NEK11: variants seen among roughly 807,000 people sequenced by gnomAD.
NEK11 encodes serine/threonine-protein kinase Nek11.
A neutral mutation model predicts 80.7 loss-of-function variants in NEK11; 72 were observed. The ratio of observed to expected loss-of-function variants is 0.89; its 90% CI spans 0.74 to 1.08. The LOEUF (loss-of-function observed/expected upper bound fraction) is 1.08. Among genes scored for constraint, NEK11 ranks in the 50% least tolerant of loss-of-function variants. The pLI, the probability that NEK11 is intolerant of heterozygous loss-of-function variation, is 0.00. For missense variants in NEK11, 764 were observed against 763.6 expected (o/e 1.00, Z -0.01); for synonymous variants, 251 against 260.7 (o/e 0.96, Z 0.36).
intron 17 of NEK11, among the ~76,000 whole-genome samples, chr3:131,333,120 C>T (rs1050661303): frequency 2.0e-5 from 3 of 152,078 alleles, no homozygotes; most frequent in Non-Finnish European, 4.4e-5. Flanking sequence ...CAGAGAACAC[C>T]ACAAAGATAC....
At chr3:131,170,060 T>A (rs1335440983) in intron 13 of NEK11, among the ~76,000 whole-genome samples, 1 of 152,218 alleles carries the variant, frequency 6.6e-6, no homozygotes, top group East Asian at 1.9e-4. Flanking sequence ...TAAGATTAGT[T>A]TGAACTTTCT....
intron 6 of NEK11, chr3:131,133,292 A>C (rs1004424491): frequency 2.2e-6 from 1 of 455,582 alleles, no homozygotes; most frequent in Non-Finnish European, 4.4e-6. Context: ...GGATCATCTA[A>C]TCATCATATA....
chr3:131,081,332 T>G (rs572014969), intron 4 of NEK11, among the ~76,000 whole-genome samples: 3 of 152,172 alleles, frequency 2.0e-5, no homozygotes, highest in Non-Finnish European at 4.4e-5. Flanking sequence ...AAATATGGCT[T>G]TTTTCCCCAC....
chr3:131,347,928 AAAT>A (rs1157141514), intron 17 of NEK11, among the ~76,000 whole-genome samples: 2 of 152,152 alleles, frequency 1.3e-5, no homozygotes, highest in Non-Finnish European at 2.9e-5. Flanking sequence ...CAAAAAAAAA[AAAT>A]ACACATCCTG....
chr3:131,244,593 G>A (rs2095568389), intron 16 of NEK11, among the ~76,000 whole-genome samples: 1 of 151,974 alleles, frequency 6.6e-6, no homozygotes, highest in African/African-American at 2.4e-5. Flanking sequence ...GTCTAACACT[G>A]TGTCTGGTGC....
intron 17 of NEK11, among the ~76,000 whole-genome samples, chr3:131,298,344 G>A (rs1008069141): frequency 2.6e-5 from 4 of 151,542 alleles, no homozygotes; most frequent in Admixed American, 1.3e-4. Context: ...ATTTCATTGA[G>A]CAGTGGTTTG....
chr3:131,132,933 C>T (rs954845337), intron 6 of NEK11, 124 bp downstream of exon 6: 11 of 537,458 alleles, frequency 2.0e-5, no homozygotes, highest in Non-Finnish European at 3.6e-5. Context: ...TTAAATTTCT[C>T]AAATTTTTAA....
At chr3:131,210,418 G>A (rs1335781227) in intron 14 of NEK11, among the ~76,000 whole-genome samples, 1 of 152,206 alleles carries the variant, frequency 6.6e-6, no homozygotes, top group Non-Finnish European at 1.5e-5. Flanking sequence ...TGGAGTAAGT[G>A]CAACGTGGTG....
intron 17 of NEK11, chr3:131,330,509 T>G (rs908017096): frequency 6.6e-6 from 1 of 152,164 alleles, no homozygotes; most frequent in Non-Finnish European, 1.5e-5. Flanking sequence ...CAGGGAGATA[T>G]GGAGGAACAA....
chr3:131,305,913 C>T (rs969235796), intron 17 of NEK11, among the ~76,000 whole-genome samples: 1 of 152,126 alleles, frequency 6.6e-6, no homozygotes, highest in African/African-American at 2.4e-5. Flanking sequence ...CTTGGAGTGT[C>T]CCAGTCTTCC....
intron 7 of NEK11, among the ~76,000 whole-genome samples, chr3:131,136,888 A>G (rs941367401): frequency 6.6e-6 from 1 of 152,212 alleles, no homozygotes; most frequent in African/African-American, 2.4e-5. Context: ...TATTTAGAGT[A>G]TGTTATTTTG....
intron 14 of NEK11, among the ~76,000 whole-genome samples, chr3:131,216,741 T>C (rs570989320): frequency 2.6e-5 from 4 of 152,336 alleles, no homozygotes; most frequent in African/African-American, 9.6e-5. Flanking sequence ...TTTATTTCAC[T>C]GGGGGCTGTC....
At chr3:131,146,936 T>A (rs565827593) in intron 7 of NEK11, among the ~76,000 whole-genome samples, 44 of 152,248 alleles carry the variant, frequency 2.9e-4, no homozygotes, top group Non-Finnish European at 5.7e-4. Flanking sequence ...CATATTTTGG[T>A]AGTCTGATGA....
intron 10 of NEK11, among the ~76,000 whole-genome samples, chr3:131,156,044 A>G (rs1453326242): frequency 6.6e-6 from 1 of 151,736 alleles, no homozygotes; most frequent in Non-Finnish European, 1.5e-5. Flanking sequence ...AGAGTAGTAG[A>G]TATTTTTTAA....
chr3:131,237,332 C>T (rs2095447130), intron 15 of NEK11, among the ~76,000 whole-genome samples: 1 of 152,096 alleles, frequency 6.6e-6, no homozygotes, highest in Non-Finnish European at 1.5e-5. Flanking sequence ...GAGACCCTGT[C>T]TCAAGAAAAC....
chr3:131,185,582 G>A (rs911894701), intron 14 of NEK11, among the ~76,000 whole-genome samples: 4 of 152,172 alleles, frequency 2.6e-5, no homozygotes, highest in African/African-American at 7.2e-5. Flanking sequence ...AGTTTGAGGC[G>A]CTGGGTTCAC....
intron 17 of NEK11, among the ~76,000 whole-genome samples, chr3:131,349,339 C>T (rs2110607941): frequency 6.6e-6 from 1 of 152,212 alleles, no homozygotes; most frequent in East Asian, 1.9e-4. Flanking sequence ...TGCTATATTC[C>T]CAGTTCCTTG....
At chr3:131,206,449 C>G (rs2094442383) in intron 14 of NEK11, among the ~76,000 whole-genome samples, 1 of 151,986 alleles carries the variant, frequency 6.6e-6, no homozygotes, top group Admixed American at 6.6e-5. Context: ...GGTCCTAAGC[C>G]AAATATTAAC....
At chr3:131,070,888 G>A (rs2148918030) in intron 3 of NEK11, among the ~76,000 whole-genome samples, 1 of 152,260 alleles carries the variant, frequency 6.6e-6, no homozygotes, top group East Asian at 1.9e-4. Flanking sequence ...ATTGCTTAAT[G>A]TCCCAGGACT....
Sources: gnomAD v4.1 joint callset for allele counts (sites outside exome capture counted in the v4.1 genomes callset) on GRCh38, gnomAD v4.1.1 for gene constraint, MANE v1.5 for transcripts, NCBI Gene and HGNC (gene_info 2026-07-23, HGNC 2026-07-21) for gene names.